Variants in KIRREL1 observed in about 807,000 individuals in gnomAD.
KIRREL1 encodes the protein kirre like nephrin family adhesion molecule 1.
KIRREL1 carries 25 observed loss-of-function variants against 83.3 expected under a neutral mutation model. That is an observed-to-expected ratio of 0.30 (90% CI 0.22 to 0.42). KIRREL1 has a LOEUF of 0.42. Ranked by LOEUF, KIRREL1 falls within the 10% of genes least tolerant of loss-of-function variation. KIRREL1 has a pLI of 1.00. For synonymous variants in KIRREL1, 388 were observed against 410.4 expected, an observed-to-expected ratio of 0.95 and a Z score of 0.66; for missense variants, 812 against 1,032.3, an observed-to-expected ratio of 0.79 and a Z score of 2.92.
In KIRREL1 at chr1:158,088,443, G is replaced by T; in HGVS notation, c.1033G>T (p.Asp345Tyr). The part of the protein sequence containing the change: ...PPLTLTWTKK[D>Y]SNMVLSNSNQ... The stretch of plus-strand genomic sequence containing the variant: ...CCTCACTCTCACCTGGACCAAAAAG[G>T]ACTCAAATATGGTAAGACTCTTACT... The change falls in exon 8 of 15, where the codon GAC (aspartate) becomes TAC (tyrosine). Residue 345 changes from aspartate (D) to tyrosine (Y), a missense_variant. Coordinates refer to ENST00000359209, the MANE Select transcript of KIRREL1 (RefSeq NM_018240.7). 1 of 1,567,652 alleles carries T rather than the reference G, an allele frequency of 6.4e-7. No individual in the cohort carries two copies. Among genetic ancestry groups the T allele is most frequent in the East Asian group, 2.3e-5 (1 of 44,098 alleles).
Position 158,094,676 on chromosome 1 carries a change from C to T in KIRREL1, c.1830C>T (p.Ala610=). 6.2e-7 allele frequency: 1 copy of T among 1,608,360 alleles called. No individual in the cohort carries two copies. The highest frequency in any genetic ancestry group is 8.5e-7 in the Non-Finnish European group (1 of 1,179,178). ...DPTNGYYNVR[A]HEDRPSSRAV... ...CCAATGGCTACTACAACGTGCGTGCCCATGAAGACCGCCCGTCTTCCAGGG... is the reference window on the plus strand; with the variant it reads ...CCAATGGCTACTACAACGTGCGTGCTCATGAAGACCGCCCGTCTTCCAGGG... Residue 610 remains alanine, a synonymous_variant, in exon 15 of 15, where the codon GCC becomes GCT. Coordinates refer to ENST00000359209, the MANE Select transcript of KIRREL1 (RefSeq NM_018240.7). The surrounding 1 kb of genome is among the most constrained non-coding windows in gnomAD (Gnocchi z 4.6).
At chr1:158,002,875 C>G (rs939174077) in intron 1 of KIRREL1, among the ~76,000 whole-genome samples, 1 of 151,926 alleles carries the variant, frequency 6.6e-6, no homozygotes, top group Non-Finnish European at 1.5e-5. Flanking sequence ...TGGAAGGAGC[C>G]GAGGAATCCG....
chr1:158,002,198 C>T (rs557794175), intron 1 of KIRREL1, among the ~76,000 whole-genome samples: 1 of 152,262 alleles, frequency 6.6e-6, no homozygotes, highest in Admixed American at 6.5e-5. Context: ...ATAAAGATGC[C>T]TGGAGGCAGA....
chr1:158,078,492 G>A (rs946378826), intron 3 of KIRREL1, among the ~76,000 whole-genome samples: 3 of 152,144 alleles, frequency 2.0e-5, no homozygotes, highest in Non-Finnish European at 4.4e-5. Context: ...AGCTGTCCTG[G>A]CTGGCAGGCT....
intron 1 of KIRREL1, among the ~76,000 whole-genome samples, chr1:158,060,730 AG>A (rs552606260): frequency 1.2e-4 from 19 of 152,176 alleles, no homozygotes; most frequent in Non-Finnish European, 1.8e-4. Flanking sequence ...GTGATTTTGT[AG>A]GAAGAGTCAT....
At chr1:158,029,377 G>A (rs1179464629) in intron 1 of KIRREL1, among the ~76,000 whole-genome samples, 3 of 151,254 alleles carry the variant, frequency 2.0e-5, no homozygotes, top group African/African-American at 7.4e-5. Context: ...GCACGTGCGC[G>A]CGCATGCACA....
At chr1:158,040,375 C>G (rs1660593202) in intron 1 of KIRREL1, among the ~76,000 whole-genome samples, 1 of 152,214 alleles carries the variant, frequency 6.6e-6, no homozygotes. Flanking sequence ...AAGAAAAAAA[C>G]TGTGACTTTA....
chr1:158,018,265 C>T (rs931504056), intron 1 of KIRREL1, among the ~76,000 whole-genome samples: 1 of 152,180 alleles, frequency 6.6e-6, no homozygotes, highest in Non-Finnish European at 1.5e-5. Flanking sequence ...AAGCCTCAGG[C>T]TCTGGTGTGC....
At chr1:158,050,290 A>T (rs1660877705) in intron 1 of KIRREL1, among the ~76,000 whole-genome samples, 1 of 152,062 alleles carries the variant, frequency 6.6e-6, no homozygotes, top group Admixed American at 6.5e-5. Context: ...GGGGTTAAGG[A>T]AATTTCCTTG....
chr1:158,077,040 T>C (rs1024043120), intron 2 of KIRREL1, among the ~76,000 whole-genome samples: 21 of 152,210 alleles, frequency 1.4e-4, no homozygotes, highest in African/African-American at 5.1e-4. Context: ...TAGAAGTGCA[T>C]TTGTGAGTTT....
intron 1 of KIRREL1, among the ~76,000 whole-genome samples, chr1:158,055,571 G>A (rs1661033623): frequency 6.6e-6 from 1 of 152,218 alleles, no homozygotes; most frequent in African/African-American, 2.4e-5. Flanking sequence ...TGTCAGGAAT[G>A]CCAACATGTC....
At chr1:158,036,054 T>C (rs1250129611) in intron 1 of KIRREL1, among the ~76,000 whole-genome samples, 2 of 152,194 alleles carry the variant, frequency 1.3e-5, no homozygotes, top group Non-Finnish European at 2.9e-5. Flanking sequence ...ATACTTTTCC[T>C]AAACCAACAG....
intron 4 of KIRREL1, among the ~76,000 whole-genome samples, chr1:158,086,129 T>C (rs981802113): frequency 2.6e-5 from 4 of 152,164 alleles, no homozygotes; most frequent in African/African-American, 9.7e-5. Context: ...AACAGACTTA[T>C]CACTCTAATG....
chr1:158,059,326 G>A (rs1477911986), intron 1 of KIRREL1, among the ~76,000 whole-genome samples: 1 of 152,072 alleles, frequency 6.6e-6, no homozygotes, highest in African/African-American at 2.4e-5. Context: ...TCAAACCCAC[G>A]TTCAGCCCCA....
At chr1:157,996,466 G>C (rs1659206534) in intron 1 of KIRREL1, among the ~76,000 whole-genome samples, 1 of 152,096 alleles carries the variant, frequency 6.6e-6, no homozygotes, top group Admixed American at 6.5e-5. Context: ...GGGGGGGATG[G>C]ATGTGGGGGC....
At chr1:158,032,803 T>C (rs1468943428) in intron 1 of KIRREL1, among the ~76,000 whole-genome samples, 2 of 152,166 alleles carry the variant, frequency 1.3e-5, no homozygotes, top group South Asian at 2.1e-4. Context: ...TGGAGTCTTG[T>C]TCTGTTGCCC....
At chr1:158,014,739 C>G (rs1035124119) in intron 1 of KIRREL1, among the ~76,000 whole-genome samples, 1 of 149,994 alleles carries the variant, frequency 6.7e-6, no homozygotes, top group Non-Finnish European at 1.5e-5. Flanking sequence ...AACTTCTTGA[C>G]GCTGAATTGC....
At chr1:158,052,169 C>T (rs1221970708) in intron 1 of KIRREL1, among the ~76,000 whole-genome samples, 1 of 152,134 alleles carries the variant, frequency 6.6e-6, no homozygotes, top group Non-Finnish European at 1.5e-5. Flanking sequence ...TACCCCATCT[C>T]TCTTCCCTCT....
intron 1 of KIRREL1, among the ~76,000 whole-genome samples, chr1:158,069,981 G>C (rs1180135394): frequency 2.0e-5 from 3 of 152,174 alleles, no homozygotes; most frequent in Non-Finnish European, 4.4e-5. Flanking sequence ...AACCTCTCTG[G>C]ATGCTGTTGA....
Sources: gnomAD v4.1 joint callset for allele counts (sites outside exome capture counted in the v4.1 genomes callset) on GRCh38, gnomAD v4.1.1 for gene constraint, Gnocchi (gnomAD v3.1) non-coding constraint, MANE v1.5 for transcripts, NCBI Gene and HGNC (gene_info 2026-07-23, HGNC 2026-07-21) for gene names.